YTHDF2: variants seen among roughly 807,000 people sequenced by gnomAD.
The protein encoded by YTHDF2 is YTH N6-methyladenosine RNA binding protein F2, also known as YTH domain-containing family protein 2.
Under a neutral mutation model 50.4 loss-of-function variants are expected in YTHDF2, and 2 were observed. The observed-to-expected ratio is 0.04, with a 90% CI of 0.02 to 0.12. The LOEUF (loss-of-function observed/expected upper bound fraction) is 0.12. YTHDF2 is among the 10% of genes least tolerant of loss of function. The pLI, the probability that YTHDF2 is intolerant of heterozygous loss-of-function variation, is 1.00. For missense variants in YTHDF2, 483 were observed against 722.6 expected, an observed-to-expected ratio of 0.67 and a Z score of 3.80; for synonymous variants, 217 against 255.6, an observed-to-expected ratio of 0.85 and a Z score of 1.44.
At chr1:28,737,870 G>A (rs1285933842) in intron 2 of YTHDF2, 188 bp downstream of exon 2, 1 of 665,316 alleles carries the variant, frequency 1.5e-6, no homozygotes, top group South Asian at 1.9e-5. Flanking sequence ...TCGCTAACAA[G>A]GAGTAATTCA....
Position 28,745,883 on chromosome 1 carries a change from G to A in YTHDF2, c.1716+1897G>A, listed in dbSNP as rs142356285. Among the ~76,000 whole-genome samples, 46 of 58,626 alleles carry A rather than the reference G, an allele frequency of 7.8e-4. No homozygotes were observed. The East Asian group carries it at 0.018, about 23-fold the overall frequency. The allele number at this position is 58,626 out of a possible 152,430, so 38.5% of individuals were successfully genotyped here. Reference sequence around the variant, plus strand: ...AGTGAGACCCCATCTCTCTAAAAAAGAAAAAATTAGCTGGGCATGGTGGCA... The same window carrying A: ...AGTGAGACCCCATCTCTCTAAAAAAAAAAAAATTAGCTGGGCATGGTGGCA... On this transcript the variant is annotated intron_variant, in intron 4 of 4. Coordinates refer to ENST00000373812, the MANE Select transcript of YTHDF2 (RefSeq NM_016258.3).
At chr1:28,738,211 G>A in intron 2 of YTHDF2, 48 bp from the exon 3 acceptor site, 1 of 1,463,850 alleles carries the variant, frequency 6.8e-7, no homozygotes, top group Non-Finnish European at 9.6e-7. Flanking sequence ...AATTTGAAAG[G>A]AAGATTGTAG....
At chr1:28,754,385 C>A (rs1310735850) in intron 4 of YTHDF2, among the ~76,000 whole-genome samples, 1 of 152,034 alleles carries the variant, frequency 6.6e-6, no homozygotes, top group African/African-American at 2.4e-5. Flanking sequence ...AAAAAATTAG[C>A]CGGGCGTGGT....
chr1:28,737,487 C>A, intron 1 of YTHDF2, 171 bp from the exon 2 acceptor site: 1 of 922,594 alleles, frequency 1.1e-6, no homozygotes, highest in Admixed American at 2.9e-5. Context: ...CCCCACGGGC[C>A]TGGCGCTTTC....
At chr1:28,751,726 G>A (rs563386977) in intron 4 of YTHDF2, among the ~76,000 whole-genome samples, 34 of 152,268 alleles carry the variant, frequency 2.2e-4, no homozygotes, top group African/African-American at 8.2e-4. Flanking sequence ...AGAGAAACAA[G>A]GCACCATCTT....
At chr1:28,761,450 A>T (rs537030349) in intron 4 of YTHDF2, among the ~76,000 whole-genome samples, 2 of 152,160 alleles carry the variant, frequency 1.3e-5, no homozygotes, top group Non-Finnish European at 2.9e-5. Flanking sequence ...ATGTTTAAAA[A>T]TTTCTGGCTG....
chr1:28,763,364 C>T (rs532604504), intron 4 of YTHDF2, among the ~76,000 whole-genome samples: 1 of 151,480 alleles, frequency 6.6e-6, no homozygotes, highest in African/African-American at 2.4e-5. Flanking sequence ...ACCTCTGCCC[C>T]CTGGGTTCAA....
chr1:28,742,081 C>G (rs1438471782), intron 3 of YTHDF2, among the ~76,000 whole-genome samples: 1 of 136,734 alleles, frequency 7.3e-6, no homozygotes, highest in Non-Finnish European at 1.5e-5. Context: ...GAGTTTCACT[C>G]TTGTTGCCCA....
intron 4 of YTHDF2, among the ~76,000 whole-genome samples, chr1:28,766,092 C>T (rs2088211631): frequency 6.6e-6 from 1 of 152,100 alleles, no homozygotes. Context: ...TTCATGTCTC[C>T]TAAGTTGTTA....
intron 3 of YTHDF2, chr1:28,740,447 T>C (rs2087758398): frequency 6.6e-6 from 1 of 152,212 alleles, no homozygotes; most frequent in Non-Finnish European, 1.5e-5. Context: ...TGGCTAATAA[T>C]ATAAATCTTA....
At position 28,750,931 on chromosome 1, in the gene YTHDF2, A is replaced by G. The variant is rs943429889; in HGVS notation, c.1716+6945A>G. On this transcript the variant is annotated intron_variant, in intron 4 of 4. Transcript: ENST00000373812. ...AACATGGTGAAACCCTGTCTCTACAACAAATAAAAAAATTAGCCAGGCGTG... is the reference window on the plus strand; with the variant it reads ...AACATGGTGAAACCCTGTCTCTACAGCAAATAAAAAAATTAGCCAGGCGTG... Among the ~76,000 whole-genome samples, 4 of 151,910 alleles carry G rather than the reference A, an allele frequency of 2.6e-5. No individual in the cohort carries two copies. In the East Asian group the frequency reaches 5.8e-4, roughly 22 times the overall value.
chr1:28,766,014 C>T (rs79121912), intron 4 of YTHDF2, among the ~76,000 whole-genome samples: 2 of 152,162 alleles, frequency 1.3e-5, no homozygotes, highest in Non-Finnish European at 2.9e-5. Flanking sequence ...TATCAGTTGT[C>T]TTAATGTCCT....
intron 4 of YTHDF2, among the ~76,000 whole-genome samples, chr1:28,762,923 A>C (rs1471714775): frequency 6.6e-6 from 1 of 151,624 alleles, no homozygotes; most frequent in South Asian, 2.1e-4. Context: ...CCCGGGTTCA[A>C]GTGATTGATT....
At chr1:28,761,286 G>A (rs546770691) in intron 4 of YTHDF2, among the ~76,000 whole-genome samples, 17 of 151,992 alleles carry the variant, frequency 1.1e-4, no homozygotes, top group African/African-American at 3.6e-4. Flanking sequence ...ACAGGTGTTC[G>A]CCACTATGCC....
intron 4 of YTHDF2, among the ~76,000 whole-genome samples, chr1:28,746,927 A>G (rs1430610976): frequency 6.6e-6 from 1 of 151,716 alleles, no homozygotes; most frequent in Non-Finnish European, 1.5e-5. Flanking sequence ...ACTAAAAAAT[A>G]CAAAATTAGC....
chr1:28,768,313 T>C (rs1389237509), intron 4 of YTHDF2, among the ~76,000 whole-genome samples: 1 of 152,138 alleles, frequency 6.6e-6, no homozygotes, highest in Non-Finnish European at 1.5e-5. Flanking sequence ...AAAATGAGCA[T>C]TGGGATTTAT....
chr1:28,742,321 G>T (rs1271563303), intron 3 of YTHDF2, 82 bp from the exon 4 acceptor site: 2 of 1,489,104 alleles, frequency 1.3e-6, no homozygotes, highest in South Asian at 1.4e-5. Context: ...TAGTATATTT[G>T]AATTGCGTGA....
chr1:28,763,062 A>G (rs764238000), intron 4 of YTHDF2, among the ~76,000 whole-genome samples: 19 of 152,068 alleles, frequency 1.2e-4, no homozygotes, highest in Non-Finnish European at 8.8e-5. Flanking sequence ...ACTGACCTCA[A>G]GTGATCCACC....
intron 4 of YTHDF2, among the ~76,000 whole-genome samples, chr1:28,766,349 T>C (rs1336183986): frequency 1.3e-5 from 2 of 152,172 alleles, no homozygotes; most frequent in Non-Finnish European, 2.9e-5. Flanking sequence ...ACTCCTGTGC[T>C]CAAGCTATCT....
Sources: gnomAD v4.1 joint callset for allele counts (sites outside exome capture counted in the v4.1 genomes callset) on GRCh38, gnomAD v4.1.1 for gene constraint, MANE v1.5 for transcripts, NCBI Gene and HGNC (gene_info 2026-07-23, HGNC 2026-07-21) for gene names.